Variants in PCDHA2 observed in about 807,000 individuals in gnomAD.
PCDHA2 encodes the protein protocadherin alpha-2.
PCDHA2 carries 58 observed loss-of-function variants against 66.0 expected under a neutral mutation model. The observed-to-expected ratio is 0.88, with a 90% CI of 0.71 to 1.09. The LOEUF (loss-of-function observed/expected upper bound fraction) is 1.09. PCDHA2 is among the 50% of genes least tolerant of loss of function. PCDHA2 has a pLI of 0.00. For synonymous variants in PCDHA2, 634 were observed against 554.0 expected, an observed-to-expected ratio of 1.14 and a Z score of -2.03; for missense variants, 1,267 against 1,242.3, an observed-to-expected ratio of 1.02 and a Z score of -0.30.
At chr5:140,811,517 T>C (rs1355784236) in intron 1 of PCDHA2, 4 of 152,238 alleles carry the variant, frequency 2.6e-5, no homozygotes, top group Non-Finnish European at 5.9e-5. Flanking sequence ...CCTTTAGATA[T>C]ATACCCAGTA....
intron 1 of PCDHA2, chr5:140,871,083 C>A: frequency 1.1e-5 from 18 of 1,613,186 alleles, no homozygotes; most frequent in Non-Finnish European, 1.4e-5. Flanking sequence ...CGCTGACGGC[C>A]ACGGCCACCG....
At position 141,009,772 on chromosome 5, in the gene PCDHA2, C is replaced by G. The variant is rs782009776; in HGVS notation, c.2682C>G (p.Ile894Met). Residue 894 changes from isoleucine (I) to methionine (M), a missense_variant, in exon 4 of 4, where the codon ATC becomes ATG. By Grantham distance (10) the Ile-to-Met change is conservative (BLOSUM62 1). Transcript: ENST00000526136. ...TCATTATCCCAGGATCTCCTGCAAT[C>G]ATCTCCATCCGGCAGGAGCCTACTA... ...DKFIIPGSPA[I>M]ISIRQEPTNS... 4 of 1,614,158 alleles carry G rather than the reference C, an allele frequency of 2.5e-6. No individual in the cohort carries two copies. The East Asian group carries it at 8.9e-5, about 36-fold the overall frequency.
chr5:140,837,446 TA>T (rs1775051312), intron 1 of PCDHA2, among the ~76,000 whole-genome samples: 1 of 151,960 alleles, frequency 6.6e-6, no homozygotes, highest in South Asian at 2.1e-4. Flanking sequence ...TAGTACGTAG[TA>T]AAAAATCTCC....
chr5:140,902,866 C>T (rs1449193268), intron 1 of PCDHA2, among the ~76,000 whole-genome samples: 1 of 152,186 alleles, frequency 6.6e-6, no homozygotes, highest in Non-Finnish European at 1.5e-5. Context: ...TCCAGGTCCA[C>T]CCAAGCTGCT....
chr5:140,995,346 A>G (rs2097678208), intron 3 of PCDHA2, among the ~76,000 whole-genome samples: 2 of 151,964 alleles, frequency 1.3e-5, no homozygotes, highest in South Asian at 4.2e-4. Context: ...GACGGCATGG[A>G]TAGGTCGGAC....
chr5:140,797,945 C>T (rs529724785), intron 1 of PCDHA2, among the ~76,000 whole-genome samples: 97 of 152,220 alleles, frequency 6.4e-4, no homozygotes, highest in Admixed American at 1.3e-3. Context: ...CTCTGCCACC[C>T]GGGTTCAAGT....
At chr5:140,823,640 G>T (rs2150127782) in intron 1 of PCDHA2, 1 of 1,613,994 alleles carries the variant, frequency 6.2e-7, no homozygotes, top group Non-Finnish European at 8.5e-7. Flanking sequence ...ATCCCGTTCC[G>T]CGTGGGGCTG....
intron 1 of PCDHA2, chr5:140,871,252 T>A (rs782280300): frequency 2.5e-6 from 4 of 1,613,990 alleles, no homozygotes; most frequent in Non-Finnish European, 1.7e-6. Context: ...GCTGCTGCTG[T>A]ATACGGCGCT....
chr5:140,824,829 A>T (rs1484900746), intron 1 of PCDHA2: 3 of 151,820 alleles, frequency 2.0e-5, no homozygotes, highest in African/African-American at 7.3e-5. Flanking sequence ...ATTAATTATT[A>T]TTTTATTACA....
In PCDHA2 at chr5:140,855,439, C is replaced by A. The variant is rs190954774; in HGVS notation, c.2388+58087C>A. On this transcript the variant is annotated intron_variant, in intron 1 of 3. Coordinates refer to ENST00000526136, the MANE Select transcript of PCDHA2 (RefSeq NM_018905.3). ...CTCTAAATTCTAGTGATGACTAGAT[C>A]TTCGGAGTTATAAACACCTCACAGA... Among the ~76,000 whole-genome samples the A allele has an allele frequency of 4.7e-5, 7 of 149,934 alleles. 1 individual carries two copies. The Admixed American group carries it at 4.7e-4, about 10-fold the overall frequency.
In PCDHA2 at chr5:140,807,588, C is replaced by T. The variant is rs146575746; in HGVS notation, c.2388+10236C>T. The T allele has an allele frequency of 5.2e-3, 8,452 of 1,614,134 alleles. 639 individuals are homozygous for T. In the Admixed American group the frequency reaches 0.13, roughly 25 times the overall value. On this transcript the variant is annotated intron_variant, in intron 1 of 3. Coordinates refer to ENST00000526136, the MANE Select transcript of PCDHA2 (RefSeq NM_018905.3). Reference sequence around the variant, plus strand: ...ATTAACGATAACCCGCCGGTGTTCCCAGCAACACAAAAGAACCTGTCCATC... The same window carrying T: ...ATTAACGATAACCCGCCGGTGTTCCTAGCAACACAAAAGAACCTGTCCATC...
chr5:140,822,161 C>A, intron 1 of PCDHA2: 1 of 1,614,240 alleles, frequency 6.2e-7, no homozygotes, highest in Non-Finnish European at 8.5e-7. Context: ...AATGACAATC[C>A]GCCCAGGTTC....
rs373922357 is a variant in PCDHA2, at chr5:140,927,079, G to C, written c.2389-51870G>C. On this transcript the variant is annotated intron_variant, in intron 1 of 3. Coordinates refer to ENST00000526136, the MANE Select transcript of PCDHA2 (RefSeq NM_018905.3). ...CTTTCGCTTCCTTTCCAGCCACCGC[G>C]AGCTCTACTTCGGGGTGGATCTACC... The C allele has an allele frequency of 2.5e-6, 4 of 1,610,870 alleles. No individual in the cohort carries two copies. In the African/African-American group the frequency reaches 5.3e-5, roughly 22 times the overall value.
chr5:140,868,449 C>T (rs1323009325), intron 1 of PCDHA2: 1 of 152,158 alleles, frequency 6.6e-6, no homozygotes, highest in Non-Finnish European at 1.5e-5. Context: ...GGAACATAAA[C>T]ACTAAAGAGC....
At chr5:140,966,374 C>A in intron 1 of PCDHA2, 1 of 405,174 alleles carries the variant, frequency 2.5e-6, no homozygotes, top group South Asian at 1.3e-4. Flanking sequence ...GCTGAGCAGT[C>A]CGGGTTCGCT....
intron 1 of PCDHA2, chr5:140,802,580 G>C (rs782133433): frequency 6.2e-7 from 1 of 1,613,926 alleles, no homozygotes; most frequent in Middle Eastern, 1.7e-4. Flanking sequence ...CCGAGTACAC[G>C]GTGTTCGTGA....
In PCDHA2 at chr5:140,809,350, G is replaced by A. The variant is rs782451445; in HGVS notation, c.2388+11998G>A. ...TCACGCTGCTGCTGTACACCGCGCT[G>A]CGGTGCTCTGCGCTGCCCACCGAGG... On this transcript the variant is annotated intron_variant, in intron 1 of 3. Transcript: ENST00000526136. 4 of 1,613,926 alleles carry A rather than the reference G, an allele frequency of 2.5e-6. No homozygotes were observed. In the African/African-American group the frequency reaches 5.3e-5, roughly 22 times the overall value.
At chr5:140,827,406 G>A (rs1299421304) in intron 1 of PCDHA2, among the ~76,000 whole-genome samples, 3 of 152,148 alleles carry the variant, frequency 2.0e-5, no homozygotes, top group African/African-American at 7.2e-5. Context: ...ATGTGATAAA[G>A]AATATGCTCT....
intron 1 of PCDHA2, chr5:140,809,612 T>TAAA: frequency 6.6e-7 from 1 of 1,520,526 alleles, no homozygotes; most frequent in Non-Finnish European, 8.8e-7. Context: ...TTCGTATTGT[T>TAAA]TTTCTCTATC....
Sources: gnomAD v4.1 joint callset for allele counts (sites outside exome capture counted in the v4.1 genomes callset) on GRCh38, gnomAD v4.1.1 for gene constraint, MANE v1.5 for transcripts, NCBI Gene and HGNC (gene_info 2026-07-23, HGNC 2026-07-21) for gene names.